PRPF4: variants seen among roughly 807,000 people sequenced by gnomAD.
The protein encoded by PRPF4 is U4/U6 small nuclear ribonucleoprotein Prp4.
In PRPF4, 14 loss-of-function variants were observed where a neutral mutation model predicts 72.2. That is an observed-to-expected ratio of 0.19 (90% CI 0.13 to 0.30). The LOEUF (loss-of-function observed/expected upper bound fraction) is 0.30. PRPF4 is among the 10% of genes least tolerant of loss of function. The probability of loss-of-function intolerance (pLI) is 1.00; values close to 1 mark genes in which losing one functional copy is unlikely to be tolerated. For synonymous variants in PRPF4, 225 were observed against 232.2 expected, an observed-to-expected ratio of 0.97 and a Z score of 0.28; for missense variants, 478 against 653.9, an observed-to-expected ratio of 0.73 and a Z score of 2.93.
chr9:113,276,463 A>G, intron 1 of PRPF4, 85 bp from the exon 2 acceptor site: 2 of 1,437,770 alleles, frequency 1.4e-6, no homozygotes, highest in Non-Finnish European at 2.0e-6. Flanking sequence ...GGACTGTGAA[A>G]CTCAGGGTGA....
Position 113,291,933 on chromosome 9 carries a change from C to T in PRPF4, c.*273C>T, listed in dbSNP as rs1372428707. 2 of 256,596 alleles carry T rather than the reference C, an allele frequency of 7.8e-6. No individual in the cohort carries two copies. Among genetic ancestry groups the T allele is most frequent in the Non-Finnish European group, 7.5e-6 (1 of 133,312 alleles). 15.9% of individuals were successfully genotyped at this position (256,596 alleles called of 1,614,324 possible). A position where few individuals can be genotyped will look rare whatever the true frequency, so the allele number is the denominator to read the frequency against. On this transcript the variant is annotated 3_prime_UTR_variant, in exon 14 of 14. Transcript: ENST00000374198. ...TTGTTTTTATTAATCTTTTGTTTGG[C>T]CGGGCGTGGTGGCTCACGCCTGTAA...
At chr9:113,286,540 C>T (rs536261101) in intron 8 of PRPF4, among the ~76,000 whole-genome samples, 165 bp from the exon 9 acceptor site, 3 of 152,208 alleles carry the variant, frequency 2.0e-5, no homozygotes, top group African/African-American at 7.2e-5. Context: ...TTGTGTTTTG[C>T]TTTTTTAAAA....
At chr9:113,288,726 C>T (rs576408761) in intron 10 of PRPF4, among the ~76,000 whole-genome samples, 3 of 152,180 alleles carry the variant, frequency 2.0e-5, no homozygotes, top group South Asian at 2.1e-4. Context: ...TAACAGGTAA[C>T]GCGCCCAGCC....
intron 1 of PRPF4, 53 bp downstream of exon 1, chr9:113,275,823 G>C: frequency 6.2e-7 from 1 of 1,604,662 alleles, no homozygotes; most frequent in South Asian, 1.1e-5. Context: ...AAGGGGGAAG[G>C]GGATCTCTGC....
chr9:113,286,882 T>C (rs950938308), intron 9 of PRPF4, 54 bp downstream of exon 9: 1 of 1,612,210 alleles, frequency 6.2e-7, no homozygotes. Flanking sequence ...AGATGTTTGA[T>C]TGGTTGGTCC....
chr9:113,282,290 T>C (rs753620704), intron 3 of PRPF4, among the ~76,000 whole-genome samples: 2 of 152,070 alleles, frequency 1.3e-5, no homozygotes, highest in African/African-American at 4.8e-5. Context: ...CTGGGCAACA[T>C]AGCAAGCCCT....
intron 2 of PRPF4, among the ~76,000 whole-genome samples, chr9:113,278,229 A>T (rs1832173024): frequency 6.6e-6 from 1 of 152,274 alleles, no homozygotes. Context: ...TAAAAATAAA[A>T]TTATGCATAT....
At chr9:113,285,577 A>G (rs942700622) in intron 7 of PRPF4, among the ~76,000 whole-genome samples, 4 of 151,114 alleles carry the variant, frequency 2.6e-5, no homozygotes, top group Non-Finnish European at 4.4e-5. Context: ...ACAGGGTTTC[A>G]CCGTGTTAGC....
At chr9:113,276,291 A>G (rs1832092096) in intron 1 of PRPF4, among the ~76,000 whole-genome samples, 1 of 152,258 alleles carries the variant, frequency 6.6e-6, no homozygotes, top group South Asian at 2.1e-4. Context: ...ATTTCAGAGC[A>G]AACCTTTCAT....
At chr9:113,276,188 T>G (rs1264704257) in intron 1 of PRPF4, among the ~76,000 whole-genome samples, 1 of 152,252 alleles carries the variant, frequency 6.6e-6, no homozygotes, top group Non-Finnish European at 1.5e-5. Context: ...CGTTGGTTAT[T>G]TCATCTATCC....
chr9:113,277,204 A>G (rs925801152), intron 2 of PRPF4, among the ~76,000 whole-genome samples: 13 of 152,124 alleles, frequency 8.5e-5, no homozygotes. Context: ...AATCTGTTAT[A>G]TAGTTTTTCT....
chr9:113,285,585 A>C (rs1053050725), intron 7 of PRPF4, among the ~76,000 whole-genome samples: 4 of 151,404 alleles, frequency 2.6e-5, no homozygotes, highest in East Asian at 2.0e-4. Context: ...TCACCGTGTT[A>C]GCCAGGATGG....
At chr9:113,283,019 C>T in intron 4 of PRPF4, 113 bp from the exon 5 acceptor site, 2 of 1,550,092 alleles carry the variant, frequency 1.3e-6, no homozygotes, top group Non-Finnish European at 1.7e-6. Flanking sequence ...TGATTTCATC[C>T]TATTACCGAA....
At chr9:113,287,351 A>G (rs1463831420) in intron 9 of PRPF4, among the ~76,000 whole-genome samples, 2 of 152,180 alleles carry the variant, frequency 1.3e-5, no homozygotes, top group African/African-American at 4.8e-5. Context: ...AAACAGCCAC[A>G]GGGGAGAGGA....
chr9:113,278,858 C>T, intron 2 of PRPF4, 87 bp from the exon 3 acceptor site: 2 of 1,311,696 alleles, frequency 1.5e-6, no homozygotes, highest in Non-Finnish European at 1.1e-6. Context: ...ACTTTTCCCT[C>T]AGGGCATACA....
At chr9:113,280,340 ACTC>A (rs1174406969) in intron 3 of PRPF4, among the ~76,000 whole-genome samples, 1 of 151,736 alleles carries the variant, frequency 6.6e-6, no homozygotes, top group Non-Finnish European at 1.5e-5. Context: ...GATCAGCTCT[ACTC>A]CCATGGCATC....
chr9:113,289,568 T>C (rs965862337), intron 10 of PRPF4, among the ~76,000 whole-genome samples: 1 of 152,232 alleles, frequency 6.6e-6, no homozygotes, highest in Non-Finnish European at 1.5e-5. Flanking sequence ...TCATTATTGC[T>C]CTTGAGTGCT....
intron 10 of PRPF4, among the ~76,000 whole-genome samples, chr9:113,288,513 T>C (rs1310091604): frequency 6.6e-6 from 1 of 151,818 alleles, no homozygotes. Flanking sequence ...CTCGGCTCAC[T>C]GCAACCGCCG....
chr9:113,279,290 C>T lies in PRPF4; in HGVS notation c.392+159C>T, dbSNP rs117824684. 4.1e-3 allele frequency among the ~76,000 whole-genome samples: 618 copies of T among 152,174 alleles called. 3 individuals carry two copies. Among genetic ancestry groups the T allele is most frequent in the Admixed American group, 5.4e-3 (82 of 15,284 alleles). ...GAGTTAGCCCATAATCTGTCTTAGG[C>T]CAATTTTTACCGCACTATTAATGTT... On this transcript the variant is annotated intron_variant, in intron 3 of 13. Transcript: ENST00000374198.
Sources: gnomAD v4.1 joint callset for allele counts (sites outside exome capture counted in the v4.1 genomes callset) on GRCh38, gnomAD v4.1.1 for gene constraint, MANE v1.5 for transcripts, NCBI Gene and HGNC (gene_info 2026-07-23, HGNC 2026-07-21) for gene names.